The following CEP170 variants were observed in gnomAD, a reference collection of about 807,000 sequenced individuals.
CEP170 encodes the protein centrosomal protein of 170 kDa.
In CEP170, 21 loss-of-function variants were observed where a neutral mutation model predicts 151.9. That is an observed-to-expected ratio of 0.14 (90% confidence interval 0.10 to 0.20). CEP170 has a LOEUF of 0.20. CEP170 is among the 10% of genes least tolerant of loss of function. The pLI is 1.00. For missense variants in CEP170, 964 were observed against 1,892.9 expected, an observed-to-expected ratio of 0.51 and a Z score of 9.11; for synonymous variants, 356 against 648.8, an observed-to-expected ratio of 0.55 and a Z score of 6.86.
chr1:243,232,212 G>A (rs965479876), intron 1 of CEP170, among the ~76,000 whole-genome samples: 3 of 151,986 alleles, frequency 2.0e-5, no homozygotes, highest in Non-Finnish European at 4.4e-5. Context: ...CAATCCACCC[G>A]CTTCAGCCTC....
intron 1 of CEP170, among the ~76,000 whole-genome samples, chr1:243,246,620 T>C (rs7517866): frequency 0.05 from 6,746 of 135,362 alleles, 297 homozygotes; most frequent in African/African-American, 0.13. Context: ...CTATGCCACA[T>C]TAAAAGTTAG....
intron 4 of CEP170, among the ~76,000 whole-genome samples, chr1:243,209,074 G>C (rs2061603190): frequency 6.6e-6 from 1 of 152,108 alleles, no homozygotes; most frequent in South Asian, 2.1e-4. Flanking sequence ...CTGAGTATGT[G>C]CTTTTCCAAA....
Position 243,125,684 on chromosome 1 carries a change from G to C in CEP170, c.*765C>G, listed in dbSNP as rs928733298. 1 of 154,270 alleles carries C rather than the reference G, an allele frequency of 6.5e-6. No individual in the cohort carries two copies. Among genetic ancestry groups the C allele is most frequent in the African/African-American group, 2.4e-5 (1 of 41,400 alleles). 9.6% of individuals were successfully genotyped at this position (154,270 alleles called of 1,614,324 possible). On this transcript the variant is annotated 3_prime_UTR_variant, in exon 20 of 20. Transcript: ENST00000366542. ...AAAAAATGAAAAAAAGTGCCAAATTGATCTTTTTGAAAGTGGAGTAAAACA... is the reference window on the plus strand; with the variant it reads ...AAAAAATGAAAAAAAGTGCCAAATTCATCTTTTTGAAAGTGGAGTAAAACA...
chr1:243,180,134 TGGAA>T (rs1223607471), intron 10 of CEP170, among the ~76,000 whole-genome samples: 3 of 151,966 alleles, frequency 2.0e-5, no homozygotes, highest in Non-Finnish European at 2.9e-5. Flanking sequence ...AATAAAAAGA[TGGAA>T]GGAATAAATA....
intron 1 of CEP170, among the ~76,000 whole-genome samples, chr1:243,241,895 A>C (rs2064884443): frequency 6.6e-6 from 1 of 152,014 alleles, no homozygotes; most frequent in African/African-American, 2.4e-5. Context: ...GTGGGCTATG[A>C]AGTTGACTAG....
chr1:243,169,750 C>T lies in CEP170; in HGVS notation c.1721G>A (p.Gly574Asp), dbSNP rs762272339. Residue 574 changes from glycine to aspartate, a missense_variant, in exon 12 of 20, where the codon GGC (glycine) becomes GAC (aspartate). Transcript: ENST00000366542. The stretch of plus-strand genomic sequence containing the variant: ...ACGTTTGCTTCCAGATGAAGATGTG[C>T]CTTCCTAAAGGAGAAAAATAAGAAA... ...TTSGFHHSEE[G>D]TSSSGSKRWV... The T allele has an allele frequency of 1.9e-6, 3 of 1,611,930 alleles. No individual in the cohort carries two copies. Among genetic ancestry groups the T allele is most frequent in the South Asian group, 1.1e-5 (1 of 90,520 alleles).
intron 14 of CEP170, among the ~76,000 whole-genome samples, chr1:243,144,995 T>A (rs2056298811): frequency 6.6e-6 from 1 of 152,152 alleles, no homozygotes; most frequent in Non-Finnish European, 1.5e-5. Flanking sequence ...AAATGTACTT[T>A]AAGTCATAAA....
At chr1:243,212,067 A>T in intron 3 of CEP170, 103 bp from the exon 4 acceptor site, 1 of 1,191,622 alleles carries the variant, frequency 8.4e-7, no homozygotes, top group South Asian at 2.0e-5. Context: ...CACATATCAT[A>T]CGGTGGCTAA....
intron 4 of CEP170, among the ~76,000 whole-genome samples, chr1:243,203,652 A>T: frequency 6.6e-6 from 1 of 152,166 alleles, no homozygotes; most frequent in East Asian, 1.9e-4. Flanking sequence ...TCAGAAAAAC[A>T]TATTTTTCAA....
Position 243,185,786 on chromosome 1 carries a change from A to G in CEP170, c.1559T>C (p.Ile520Thr), listed in dbSNP as rs1558530468. Reference protein sequence around the residue: ...NSEEVEARKMIDKVFGVDDNQ... With the variant: ...NSEEVEARKMTDKVFGVDDNQ... ...CAAATTTCAATTATTTACCTTGTCA[A>G]TCATTTTTCTTGCTTCCACTTCCTC... is the stretch of plus-strand genomic sequence containing the variant. Residue 520 changes from isoleucine to threonine, a missense_variant, in exon 10 of 20, where the codon ATT becomes ACT. Ile to Thr is a moderately conservative substitution (Grantham distance 89). Coordinates refer to ENST00000366542, the MANE Select transcript of CEP170 (RefSeq NM_014812.3). The surrounding 1 kb of genome is among the most constrained non-coding windows in gnomAD (Gnocchi z 4.9). 1.3e-6 allele frequency: 2 copies of G among 1,592,396 alleles called. No homozygotes were observed. Among genetic ancestry groups the G allele is most frequent in the Admixed American group, 1.7e-5 (1 of 57,878 alleles).
chr1:243,151,061 G>A (rs1402271091), intron 14 of CEP170, among the ~76,000 whole-genome samples: 1 of 152,042 alleles, frequency 6.6e-6, no homozygotes, highest in African/African-American at 2.4e-5. Context: ...TCACCATTCC[G>A]TGGTGATACC....
At chr1:243,163,974 A>G (rs1377478020) in intron 13 of CEP170, among the ~76,000 whole-genome samples, 1 of 152,156 alleles carries the variant, frequency 6.6e-6, no homozygotes, top group Non-Finnish European at 1.5e-5. Context: ...ATTTTGACAC[A>G]CACATCCAAA....
rs1240751110 is a variant in CEP170 at position 243,200,763 on chromosome 1, G to A, written c.333+14C>T. 1.9e-6 allele frequency: 3 copies of A among 1,608,138 alleles called. No homozygotes were observed. Among genetic ancestry groups the A allele is most frequent in the Admixed American group, 1.7e-5 (1 of 58,688 alleles). On this transcript the variant is annotated intron_variant, in intron 5 of 19. Transcript: ENST00000366542. The stretch of plus-strand genomic sequence containing the variant: ...AGAGTAGATTTGCAAAAGAAGTTAA[G>A]TAAAAACTGTTACCTTAAGAGCTTC...
chr1:243,221,010 T>G (rs2062750861), intron 3 of CEP170, among the ~76,000 whole-genome samples: 1 of 151,846 alleles, frequency 6.6e-6, no homozygotes, highest in Non-Finnish European at 1.5e-5. Context: ...TCTGGCACCT[T>G]TCCATCTTTC....
intron 10 of CEP170, among the ~76,000 whole-genome samples, chr1:243,173,690 C>T (rs2059020603): frequency 6.7e-6 from 1 of 148,896 alleles, no homozygotes; most frequent in African/African-American, 2.5e-5. Flanking sequence ...GAGCTGAGAT[C>T]ACGCCACTGC....
In CEP170 at chr1:243,165,871, G is replaced by A. The variant is rs1484089641; in HGVS notation, c.2089C>T (p.Pro697Ser). 6.2e-7 allele frequency: 1 copy of A among 1,613,884 alleles called. No homozygotes were observed. The highest frequency in any genetic ancestry group is 1.3e-5 in the African/African-American group (1 of 75,050). Reference protein sequence around the residue: ...YQKDKQDADRPLSKMNRAVNG... With the variant: ...YQKDKQDADRSLSKMNRAVNG... ...ACTGCCCTGTTCATTTTACTCAAGG[G>A]TCTGTCAGCATCTTGTTTATCTTTC... Residue 697 changes from proline to serine, a missense_variant, in exon 13 of 20, where the codon CCC (proline) becomes TCC (serine). Transcript: ENST00000366542.
At chr1:243,252,383 T>C (rs1345284838) in intron 1 of CEP170, among the ~76,000 whole-genome samples, 3 of 152,142 alleles carry the variant, frequency 2.0e-5, no homozygotes, top group South Asian at 2.1e-4. Flanking sequence ...TACAATTTTG[T>C]GGAATAAAAA....
chr1:243,129,936 A>G (rs1471951855), intron 17 of CEP170, among the ~76,000 whole-genome samples: 6 of 151,998 alleles, frequency 3.9e-5, no homozygotes, highest in Non-Finnish European at 8.8e-5. Flanking sequence ...GTTCTATTTT[A>G]TTATTAGTTA....
intron 1 of CEP170, among the ~76,000 whole-genome samples, chr1:243,241,327 A>C (rs1250905922): frequency 1.3e-5 from 2 of 152,272 alleles, no homozygotes; most frequent in Non-Finnish European, 2.9e-5. Context: ...TCGCCTTATA[A>C]AACAATGTTA....
Sources: gnomAD v4.1 joint callset for allele counts (sites outside exome capture counted in the v4.1 genomes callset) on GRCh38, gnomAD v4.1.1 for gene constraint, Gnocchi (gnomAD v3.1) non-coding constraint, MANE v1.5 for transcripts, NCBI Gene and HGNC (gene_info 2026-07-23, HGNC 2026-07-21) for gene names.